MGAT4D: variants seen among roughly 807,000 people sequenced by gnomAD.
MGAT4D encodes the protein MGAT4 family member D, also known as alpha-1,3-mannosyl-glycoprotein 4-beta-N-acetylglucosaminyltransferase-like protein MGAT4D.
MGAT4D carries 34 observed loss-of-function variants against 15.9 expected under a neutral mutation model. The ratio of observed to expected loss-of-function variants is 2.14; its 90% CI spans 1.62 to 2.84. The LOEUF is 2.84. MGAT4D is among the 30% of genes most tolerant of loss of function. The pLI is 0.00. For missense variants in MGAT4D, 327 were observed against 140.2 expected (o/e 2.33, Z -6.73); for synonymous variants, 112 against 48.2 (o/e 2.33, Z -5.49).
chr4:140,461,792 T>A (rs985191974), intron 7 of MGAT4D, 137 bp downstream of exon 7: 8 of 431,234 alleles, frequency 1.9e-5, no homozygotes, highest in Non-Finnish European at 3.3e-5. Context: ...GGTGGAGGAA[T>A]ACAATGAGGA....
chr4:140,485,409 G>C (rs937305967), intron 1 of MGAT4D, among the ~76,000 whole-genome samples: 3 of 152,040 alleles, frequency 2.0e-5, no homozygotes, highest in African/African-American at 4.8e-5. Flanking sequence ...TGTGGGGTGG[G>C]GGTAGGGGGT....
intron 9 of MGAT4D, among the ~76,000 whole-genome samples, chr4:140,453,603 G>A (rs556759835): frequency 6.6e-6 from 1 of 151,944 alleles, no homozygotes; most frequent in Non-Finnish European, 1.5e-5. Context: ...TACATTTCAG[G>A]GGAGGGAGTT....
At chr4:140,453,635 G>A (rs192955287) in intron 9 of MGAT4D, among the ~76,000 whole-genome samples, 1 of 151,972 alleles carries the variant, frequency 6.6e-6, no homozygotes, top group East Asian at 1.9e-4. Context: ...ATTGGATCAT[G>A]GGGTAAATTT....
chr4:140,445,340 ATC>A (rs1730051541), intron 10 of MGAT4D, among the ~76,000 whole-genome samples: 1 of 151,996 alleles, frequency 6.6e-6, no homozygotes, highest in Non-Finnish European at 1.5e-5. Context: ...TTTAAAAAGC[ATC>A]TGTTTGTGTC....
At chr4:140,458,748 T>C (rs1730970991) in intron 8 of MGAT4D, 1 of 152,132 alleles carries the variant, frequency 6.6e-6, no homozygotes, top group South Asian at 2.1e-4. Context: ...AAGCACCAAA[T>C]ATTTCACATG....
chr4:140,462,709 C>G (rs1731274200), intron 6 of MGAT4D: 3 of 152,242 alleles, frequency 2.0e-5, no homozygotes, highest in South Asian at 4.1e-4. Flanking sequence ...TTACTACTCT[C>G]CAGCGGATTG....
chr4:140,488,377 A>G (rs1737303247), intron 1 of MGAT4D, among the ~76,000 whole-genome samples: 1 of 152,238 alleles, frequency 6.6e-6, no homozygotes, highest in South Asian at 2.1e-4. Context: ...TCTAAATTAA[A>G]TTGATATGAA....
chr4:140,461,343 C>A (rs1731158461), intron 7 of MGAT4D, among the ~76,000 whole-genome samples: 1 of 152,124 alleles, frequency 6.6e-6, no homozygotes, highest in Admixed American at 6.5e-5. Context: ...TCTGCAAATT[C>A]TTTGAATGAG....
chr4:140,443,580 A>G (rs1729907445), intron 10 of MGAT4D, 136 bp from the exon 11 acceptor site: 2 of 317,308 alleles, frequency 6.3e-6, no homozygotes, highest in Non-Finnish European at 1.1e-5. Flanking sequence ...CTTTTTATAT[A>G]GAGAAGGTAA....
intron 1 of MGAT4D, among the ~76,000 whole-genome samples, chr4:140,491,485 G>A (rs1323689466): frequency 1.3e-5 from 2 of 152,084 alleles, no homozygotes; most frequent in Non-Finnish European, 2.9e-5. Flanking sequence ...AGGGGCAGGA[G>A]AAAGGGAGAG....
At chr4:140,451,873 T>C (rs1351695137) in intron 9 of MGAT4D, among the ~76,000 whole-genome samples, 7 of 152,104 alleles carry the variant, frequency 4.6e-5, no homozygotes, top group Non-Finnish European at 8.8e-5. Flanking sequence ...ACTTCCTATA[T>C]TCATTGACTA....
At chr4:140,462,830 G>A (rs776612432) in intron 6 of MGAT4D, among the ~76,000 whole-genome samples, 1 of 152,188 alleles carries the variant, frequency 6.6e-6, no homozygotes, top group Admixed American at 6.5e-5. Context: ...ATAGGAGACA[G>A]GACTAATGCG....
chr4:140,458,083 G>A (rs1730925623), intron 8 of MGAT4D: 3 of 152,168 alleles, frequency 2.0e-5, no homozygotes, highest in Non-Finnish European at 2.9e-5. Context: ...CACTGCTTAT[G>A]AGAGCGTAAA....
In MGAT4D at chr4:140,482,322, C is replaced by A. The variant is rs1353193370; in HGVS notation, c.253+5G>T. 6.5e-6 allele frequency: 4 copies of A among 615,718 alleles called. No individual in the cohort carries two copies. The highest frequency in any genetic ancestry group is 1.9e-5 in the African/African-American group (1 of 52,522). The allele number at this position is 615,718 out of a possible 1,614,324, so 38.1% of individuals were successfully genotyped here. On this transcript the variant is annotated splice_donor_5th_base_variant and intron_variant, in intron 2 of 10. Coordinates refer to ENST00000511113, the MANE Select transcript of MGAT4D (RefSeq NM_001277353.2). ...CAAAACAAAACAAACAAAATCAACACAAACCTAAGTTTCCTGACAAAATTT... is the reference window on the plus strand; with the variant it reads ...CAAAACAAAACAAACAAAATCAACAAAAACCTAAGTTTCCTGACAAAATTT...
rs1243206524 is a variant in MGAT4D, at chr4:140,469,737, C to CA, written c.572+2037dup. ...AAATTCAGCTCCTAAGGCTTGATTG[C>CA]ATTCAGGGTTTTTTGTTTTGTTGTT... On this transcript the variant is annotated intron_variant, in intron 5 of 10. Coordinates refer to ENST00000511113, the MANE Select transcript of MGAT4D (RefSeq NM_001277353.2). 9.9e-5 allele frequency among the ~76,000 whole-genome samples: 15 copies of CA among 152,258 alleles called. No individual in the cohort carries two copies. In the South Asian group the frequency reaches 2.3e-3, roughly 23 times the overall value.
At chr4:140,481,181 T>G (rs980082913) in intron 2 of MGAT4D, among the ~76,000 whole-genome samples, 1 of 152,012 alleles carries the variant, frequency 6.6e-6, no homozygotes, top group African/African-American at 2.4e-5. Context: ...AGCACATGAC[T>G]GTAGTCCCAG....
intron 2 of MGAT4D, 78 bp downstream of exon 2, chr4:140,482,249 G>A (rs1273801190): frequency 1.3e-5 from 7 of 553,512 alleles, no homozygotes; most frequent in Non-Finnish European, 1.9e-5. Context: ...AGTTTATAGA[G>A]AGAAGAGGCC....
At chr4:140,482,272 G>A in intron 2 of MGAT4D, 55 bp downstream of exon 2, 1 of 571,256 alleles carries the variant, frequency 1.8e-6, no homozygotes, top group South Asian at 2.3e-5. Context: ...AAAATCATAA[G>A]ACATTGAATC....
At chr4:140,462,652 C>T (rs1468705991) in intron 6 of MGAT4D, 1 of 152,216 alleles carries the variant, frequency 6.6e-6, no homozygotes, top group Non-Finnish European at 1.5e-5. Flanking sequence ...CGTGAGCACA[C>T]ATTGCCCCAA....
Sources: gnomAD v4.1 joint callset for allele counts (sites outside exome capture counted in the v4.1 genomes callset) on GRCh38, gnomAD v4.1.1 for gene constraint, MANE v1.5 for transcripts, NCBI Gene and HGNC (gene_info 2026-07-23, HGNC 2026-07-21) for gene names.